The following STPG2 variants were observed in gnomAD, a reference collection of about 807,000 sequenced individuals.
STPG2 encodes the protein sperm tail PG-rich repeat containing 2, also known as sperm-tail PG-rich repeat-containing protein 2.
A neutral mutation model predicts 54.2 loss-of-function variants in STPG2; 56 were observed. The ratio of observed to expected loss-of-function variants is 1.03; its 90% CI spans 0.83 to 1.29. STPG2 has a LOEUF of 1.29. STPG2 is among the 50% of genes most tolerant of loss of function. STPG2 has a pLI of 0.00. For missense variants in STPG2, 596 were observed against 544.9 expected (o/e 1.09, Z -0.93); for synonymous variants, 200 against 181.8 (o/e 1.10, Z -0.81).
intron 10 of STPG2, among the ~76,000 whole-genome samples, chr4:97,581,184 T>C (rs796429401): frequency 1.3e-5 from 2 of 152,200 alleles, no homozygotes; most frequent in African/African-American, 2.4e-5. Context: ...AAACACACTT[T>C]AGTTGCTCAA....
chr4:97,540,682 G>C (rs1218454813), intron 4 of STPG2, among the ~76,000 whole-genome samples: 1 of 152,048 alleles, frequency 6.6e-6, no homozygotes, highest in Non-Finnish European at 1.5e-5. Context: ...GAGAATTTTA[G>C]ACCAATATCC....
intron 8 of STPG2, among the ~76,000 whole-genome samples, chr4:97,921,637 G>A (rs1732113044): frequency 6.6e-6 from 1 of 151,798 alleles, no homozygotes; most frequent in Admixed American, 6.6e-5. Flanking sequence ...GACATATATG[G>A]GACATCATCA....
At chr4:97,799,190 G>A (rs1727296657) in intron 9 of STPG2, among the ~76,000 whole-genome samples, 1 of 149,514 alleles carries the variant, frequency 6.7e-6, no homozygotes, top group Non-Finnish European at 1.5e-5. Flanking sequence ...TACATTTAAG[G>A]TTAATATTGT....
chr4:97,612,387 G>T (rs1414468160), intron 10 of STPG2, among the ~76,000 whole-genome samples: 1 of 151,850 alleles, frequency 6.6e-6, no homozygotes, highest in African/African-American at 2.4e-5. Flanking sequence ...AAATAATTCA[G>T]CAAAAAAAAG....
At chr4:98,060,452 G>A (rs1056630212) in intron 5 of STPG2, among the ~76,000 whole-genome samples, 3 of 152,222 alleles carry the variant, frequency 2.0e-5, no homozygotes, top group Non-Finnish European at 2.9e-5. Context: ...CCATGCTCAC[G>A]GATATGGAGA....
intron 7 of STPG2, among the ~76,000 whole-genome samples, chr4:97,947,175 TCA>T (rs752417339): frequency 1.3e-5 from 2 of 152,266 alleles, no homozygotes; most frequent in Non-Finnish European, 2.9e-5. Flanking sequence ...TATTTCATTC[TCA>T]GTTTGGTCAT....
At chr4:97,443,038 T>C (rs1729129268) in intron 4 of STPG2, among the ~76,000 whole-genome samples, 1 of 152,134 alleles carries the variant, frequency 6.6e-6, no homozygotes, top group East Asian at 1.9e-4. Context: ...CTTGTTGCAG[T>C]CCATGCAACA....
chr4:97,500,972 G>A (rs939271857), intron 4 of STPG2, among the ~76,000 whole-genome samples: 2 of 152,040 alleles, frequency 1.3e-5, no homozygotes, highest in Non-Finnish European at 2.9e-5. Flanking sequence ...GATCAATCAA[G>A]CACTTTCAAA....
At chr4:97,617,549 T>C (rs1386544962) in intron 10 of STPG2, among the ~76,000 whole-genome samples, 1 of 152,150 alleles carries the variant, frequency 6.6e-6, no homozygotes, top group African/African-American at 2.4e-5. Flanking sequence ...GTTAGTAGGT[T>C]TGACAGAGAT....
chr4:98,074,186 C>T (rs1470034367), intron 5 of STPG2, among the ~76,000 whole-genome samples: 1 of 152,260 alleles, frequency 6.6e-6, no homozygotes, highest in Non-Finnish European at 1.5e-5. Flanking sequence ...CTTACTTCAC[C>T]TTCATTTCTG....
rs772458069 is a variant in STPG2 at position 97,486,860 on chromosome 4, AACACAC to A, written c.462+225833_462+225838del. On this transcript the variant is annotated intron_variant, in intron 4 of 4. Coordinates refer to the STPG2 transcript ENST00000522676. Reference sequence around the variant, plus strand: ...ATATATATATATATGTATGTATACAAACACACACACACACACACACACACACACACA... The same window carrying A: ...ATATATATATATATGTATGTATACAAACACACACACACACACACACACACA... Among the ~76,000 whole-genome samples, 826 of 125,604 alleles carry A rather than the reference AACACAC, an allele frequency of 6.6e-3. 4 individuals carry two copies. The highest frequency in any genetic ancestry group is 0.017 in the Middle Eastern group (4 of 238). The allele number at this position is 125,604 out of a possible 152,430, so 82.4% of individuals were successfully genotyped here.
intron 9 of STPG2, among the ~76,000 whole-genome samples, chr4:97,799,486 T>G (rs1178992034): frequency 6.6e-6 from 1 of 152,220 alleles, no homozygotes; most frequent in African/African-American, 2.4e-5. Flanking sequence ...AAAATTCTTT[T>G]CTTAAAGGAT....
intron 10 of STPG2, among the ~76,000 whole-genome samples, chr4:97,637,757 A>C (rs1333699107): frequency 6.6e-6 from 1 of 152,150 alleles, no homozygotes; most frequent in African/African-American, 2.4e-5. Context: ...CTTCAAAGAG[A>C]ATAAAATACC....
intron 5 of STPG2, among the ~76,000 whole-genome samples, chr4:98,030,720 G>A (rs940854382): frequency 9.9e-5 from 15 of 151,940 alleles, no homozygotes; most frequent in African/African-American, 3.1e-4. Flanking sequence ...AGAATACCCA[G>A]AAATAAGACC....
chr4:98,032,741 G>C (rs143784373), intron 5 of STPG2, among the ~76,000 whole-genome samples: 1,961 of 152,226 alleles, frequency 0.013, 47 homozygotes, highest in African/African-American at 0.044. Context: ...ATAACAAACT[G>C]TCTCTCAGAC....
intron 5 of STPG2, 52 bp from the exon 6 acceptor site, chr4:97,981,370 A>T: frequency 6.3e-7 from 1 of 1,578,208 alleles, no homozygotes; most frequent in East Asian, 2.2e-5. Context: ...ACATTTTGAT[A>T]CTTCATGAGT....
At chr4:97,938,745 C>G (rs568565418) in intron 8 of STPG2, among the ~76,000 whole-genome samples, 6 of 152,132 alleles carry the variant, frequency 3.9e-5, no homozygotes, top group Non-Finnish European at 7.3e-5. Flanking sequence ...TGGGCCGACA[C>G]ACCACCCTGC....
At chr4:97,719,801 A>G (rs1283928656) in intron 9 of STPG2, among the ~76,000 whole-genome samples, 1 of 151,874 alleles carries the variant, frequency 6.6e-6, no homozygotes, top group African/African-American at 2.4e-5. Flanking sequence ...TTTTCTTGTC[A>G]TTTTACTTTC....
intron 8 of STPG2, among the ~76,000 whole-genome samples, chr4:97,894,373 A>G (rs1185115837): frequency 1.5e-4 from 23 of 151,922 alleles, no homozygotes. Context: ...ACAATTTCCC[A>G]TTGTAACTAC....
Sources: gnomAD v4.1 joint callset for allele counts (sites outside exome capture counted in the v4.1 genomes callset) on GRCh38, gnomAD v4.1.1 for gene constraint, MANE v1.5 for transcripts, NCBI Gene and HGNC (gene_info 2026-07-23, HGNC 2026-07-21) for gene names.